The following RAP1GAP2 variants were observed in gnomAD, a reference collection of about 807,000 sequenced individuals.
RAP1GAP2 encodes the protein rap1 GTPase-activating protein 2.
RAP1GAP2 carries 27 observed loss-of-function variants against 95.0 expected under a neutral mutation model. The observed-to-expected ratio is 0.28, with a 90% CI of 0.21 to 0.39. The LOEUF (loss-of-function observed/expected upper bound fraction) is 0.39. Ranked by LOEUF, RAP1GAP2 falls within the 10% of genes least tolerant of loss-of-function variation. The pLI is 1.00. For missense variants in RAP1GAP2, 771 were observed against 970.0 expected (o/e 0.79, Z 2.72); for synonymous variants, 373 against 380.9 (o/e 0.98, Z 0.24).
chr17:2,793,486 C>T (rs1419039238), upstream of RAP1GAP2, among the ~76,000 whole-genome samples: 2 of 152,208 alleles, frequency 1.3e-5, no homozygotes, highest in African/African-American at 2.4e-5. Flanking sequence ...TATGCAACAC[C>T]TCCAACCCCA....
Position 2,904,082 on chromosome 17 carries a change from G to C in RAP1GAP2, c.81-1202G>C, listed in dbSNP as rs1379126897. On this transcript the variant is annotated intron_variant, in intron 2 of 24. Coordinates refer to ENST00000254695, the MANE Select transcript of RAP1GAP2 (RefSeq NM_015085.5). The surrounding 1 kb of genome is among the most constrained non-coding windows in gnomAD (Gnocchi z 4.7). ...ACTCTCTCTGCTGCTTCAGAGCGGG[G>C]CTGTAGAGGAGGACACACTTGTAAA... Among the ~76,000 whole-genome samples the C allele has an allele frequency of 2.0e-5, 3 of 152,188 alleles. No individual in the cohort carries two copies. The highest frequency in any genetic ancestry group is 4.4e-5 in the Non-Finnish European group (3 of 68,032).
In RAP1GAP2 at chr17:2,841,367, G is replaced by A. The variant is rs554868827; in HGVS notation, c.80+40817G>A. On this transcript the variant is annotated intron_variant, in intron 2 of 24. Transcript: ENST00000254695. ...CGCCCAGGCTGGAGTGCAGTGGCAC[G>A]AACTCGGCTCACTGCAACCTCCACC... Among the ~76,000 whole-genome samples, 24 of 139,544 alleles carry A rather than the reference G, an allele frequency of 1.7e-4. No individual in the cohort carries two copies. The East Asian group carries it at 5.3e-3, about 31-fold the overall frequency. The allele number at this position is 139,544 out of a possible 152,430, so 91.5% of individuals were successfully genotyped here. A position where few individuals can be genotyped will look rare whatever the true frequency, so the allele number is the denominator to read the frequency against.
chr17:2,921,167 G>T (rs2042754486), intron 3 of RAP1GAP2, among the ~76,000 whole-genome samples: 1 of 151,876 alleles, frequency 6.6e-6, no homozygotes, highest in Admixed American at 6.6e-5. Flanking sequence ...GAACTTGATG[G>T]GTTGAAATAA....
chr17:2,808,265 A>C (rs1160148069), intron 2 of RAP1GAP2, among the ~76,000 whole-genome samples: 3 of 151,876 alleles, frequency 2.0e-5, no homozygotes, highest in Non-Finnish European at 1.5e-5. Context: ...GCTGGTTTGG[A>C]AGGTGTGGGT....
intron 2 of RAP1GAP2, among the ~76,000 whole-genome samples, chr17:2,890,724 AC>A (rs1163493853): frequency 6.2e-5 from 9 of 145,486 alleles, no homozygotes; most frequent in Admixed American, 2.1e-4. Flanking sequence ...TTGCTCTGTC[AC>A]CCAGGCTGGA....
At chr17:3,026,594 G>C (rs892946016) in intron 21 of RAP1GAP2, 130 bp downstream of exon 21, 3 of 866,424 alleles carry the variant, frequency 3.5e-6, no homozygotes, top group Non-Finnish European at 5.2e-6. Context: ...GAATGGAAAC[G>C]AGAGGTGGGC....
intron 3 of RAP1GAP2, among the ~76,000 whole-genome samples, chr17:2,940,470 G>T (rs942878212): frequency 2.6e-5 from 4 of 152,354 alleles, no homozygotes; most frequent in Non-Finnish European, 4.4e-5. Context: ...CATGGCGAGA[G>T]GGGGAGGGAC....
intron 3 of RAP1GAP2, among the ~76,000 whole-genome samples, chr17:2,940,336 G>C (rs1349142550): frequency 1.3e-5 from 2 of 152,198 alleles, no homozygotes; most frequent in Admixed American, 6.5e-5. Context: ...GAGATTCGAG[G>C]TGGGTCCTGG....
chr17:2,972,292 AAAG>A (rs1411109908), intron 8 of RAP1GAP2, among the ~76,000 whole-genome samples: 1 of 152,202 alleles, frequency 6.6e-6, no homozygotes, highest in Non-Finnish European at 1.5e-5. Flanking sequence ...GTTCAAGAGA[AAAG>A]AAAAAAAAAT....
intron 3 of RAP1GAP2, among the ~76,000 whole-genome samples, chr17:2,912,383 C>T (rs1045843054): frequency 6.6e-6 from 1 of 152,180 alleles, no homozygotes; most frequent in African/African-American, 2.4e-5. Context: ...GTTCCTGCCT[C>T]CTGTCTTCTG....
At chr17:2,853,138 T>A (rs2071949330) in intron 2 of RAP1GAP2, among the ~76,000 whole-genome samples, 1 of 152,020 alleles carries the variant, frequency 6.6e-6, no homozygotes, top group Admixed American at 6.5e-5. Context: ...CCACTCTGCA[T>A]CCCAGCTCGG....
intron 11 of RAP1GAP2, among the ~76,000 whole-genome samples, chr17:2,986,715 C>T (rs570092845): frequency 6.6e-5 from 10 of 152,186 alleles, no homozygotes; most frequent in Admixed American, 4.6e-4. Flanking sequence ...CTGGGGGATA[C>T]GGTGACTAAG....
rs1007428531 is a variant in RAP1GAP2, at chr17:2,867,699, C to T, written c.81-37585C>T. On this transcript the variant is annotated intron_variant, in intron 2 of 24. Transcript: ENST00000254695. This position sits in a 1 kb window ranked among gnomAD's most constrained non-coding sequence, Gnocchi z 4.5. ...CTGGGAGTATAGGAGGGATGGGTCA[C>T]CTAAGGAAACCTGGCATGTTGCTCT... is the stretch of plus-strand genomic sequence containing the variant. Among the ~76,000 whole-genome samples, 3 of 152,124 alleles carry T rather than the reference C, an allele frequency of 2.0e-5. No homozygotes were observed. Among genetic ancestry groups the T allele is most frequent in the Non-Finnish European group, 4.4e-5 (3 of 68,028 alleles).
chr17:2,868,412 C>G (rs1212839834), intron 2 of RAP1GAP2, among the ~76,000 whole-genome samples: 2 of 152,158 alleles, frequency 1.3e-5, no homozygotes, highest in Non-Finnish European at 2.9e-5. Context: ...GGTGTCGAAA[C>G]TGCGGCCCTT....
intron 7 of RAP1GAP2, 135 bp downstream of exon 7, chr17:2,964,203 G>A (rs2044474807): frequency 1.3e-6 from 1 of 758,724 alleles, no homozygotes; most frequent in South Asian, 1.9e-5. Flanking sequence ...GGAGCTGCCA[G>A]GGGTGGGGGT....
At chr17:2,846,248 G>A (rs2071584895) in intron 2 of RAP1GAP2, among the ~76,000 whole-genome samples, 1 of 151,180 alleles carries the variant, frequency 6.6e-6, no homozygotes, top group African/African-American at 2.4e-5. Context: ...GCATTTTTTG[G>A]TGTCTGGCTT....
chr17:2,940,009 A>G (rs2043435468), intron 3 of RAP1GAP2, among the ~76,000 whole-genome samples: 1 of 152,248 alleles, frequency 6.6e-6, no homozygotes, highest in South Asian at 2.1e-4. Flanking sequence ...CAGTGGAGCT[A>G]AAGGCAGCAG....
At chr17:2,909,868 G>A (rs2042315159) in intron 3 of RAP1GAP2, among the ~76,000 whole-genome samples, 1 of 152,210 alleles carries the variant, frequency 6.6e-6, no homozygotes, top group African/African-American at 2.4e-5. Context: ...GGTTGGGGTT[G>A]GGGGTCAGTG....
upstream of RAP1GAP2, among the ~76,000 whole-genome samples, chr17:2,774,306 A>G (rs543413635): frequency 6.8e-4 from 104 of 152,248 alleles, no homozygotes; most frequent in Non-Finnish European, 1.2e-3. Flanking sequence ...CCAAGGCTCT[A>G]TGAGGAATGT....
Sources: gnomAD v4.1 joint callset for allele counts (sites outside exome capture counted in the v4.1 genomes callset) on GRCh38, gnomAD v4.1.1 for gene constraint, Gnocchi (gnomAD v3.1) non-coding constraint, MANE v1.5 for transcripts, NCBI Gene and HGNC (gene_info 2026-07-23, HGNC 2026-07-21) for gene names.